Variants in UGT2B10 observed in about 807,000 individuals in gnomAD.
The protein encoded by UGT2B10 is UDP glucuronosyltransferase family 2 member B10.
A neutral mutation model predicts 43.7 loss-of-function variants in UGT2B10; 51 were observed. That is an observed-to-expected ratio of 1.17 (90% CI 0.93 to 1.47). The LOEUF (loss-of-function observed/expected upper bound fraction) is 1.47, where lower values mean the gene tolerates loss of function less well. Among genes scored for constraint, UGT2B10 ranks in the 40% most tolerant of loss-of-function variants. The pLI, the probability that UGT2B10 is intolerant of heterozygous loss-of-function variation, is 0.00. For missense variants in UGT2B10, 696 were observed against 617.7 expected, an observed-to-expected ratio of 1.13 and a Z score of -1.34; for synonymous variants, 225 against 209.0, an observed-to-expected ratio of 1.08 and a Z score of -0.66.
At chr4:68,825,280 T>A (rs1455975773) in intron 3 of UGT2B10, among the ~76,000 whole-genome samples, 15 of 151,414 alleles carry the variant, frequency 9.9e-5, no homozygotes, top group African/African-American at 3.6e-4. Flanking sequence ...AATGACTCCC[T>A]ATAATTTTTT....
In UGT2B10 at chr4:68,831,503, A is replaced by T. The variant is rs1445463890; in HGVS notation, c.*624A>T. On this transcript the variant is annotated 3_prime_UTR_variant, in exon 6 of 6. Transcript: ENST00000265403. ...AGGATGAATACAAAAATAATTAGAT[A>T]TTCTTGAAATCAGAAATGTGCTCCC... Among the ~76,000 whole-genome samples, 1 of 152,136 alleles carries T rather than the reference A, an allele frequency of 6.6e-6. No individual in the cohort carries two copies. Among genetic ancestry groups the T allele is most frequent in the African/African-American group, 2.4e-5 (1 of 41,458 alleles).
intron 2 of UGT2B10, among the ~76,000 whole-genome samples, chr4:68,818,419 T>C (rs1431980512): frequency 2.0e-5 from 3 of 151,770 alleles, no homozygotes; most frequent in Non-Finnish European, 4.4e-5. Context: ...TAAATTAAAG[T>C]CTTGATTATG....
Position 68,816,257 on chromosome 4 carries a change from T to G in UGT2B10, c.238T>G (p.Leu80Val). The part of the protein sequence containing the change: ...TLKLEVYPTS[L>V]TKTEFENIIM... ...TAAACTTGAAGTTTATCCTACATCT[T>G]TAACTAAAACTGAATTTGAGAATAT... is the stretch of plus-strand genomic sequence containing the variant. The change falls in exon 1 of 6, where the codon TTA becomes GTA. Residue 80 changes from leucine (L) to valine (V), a missense_variant. Coordinates refer to ENST00000265403, the MANE Select transcript of UGT2B10 (RefSeq NM_001075.6). 1 of 1,613,218 alleles carries G rather than the reference T, an allele frequency of 6.2e-7. No individual in the cohort carries two copies. Among genetic ancestry groups the G allele is most frequent in the Non-Finnish European group, 8.5e-7 (1 of 1,179,450 alleles).
intron 3 of UGT2B10, among the ~76,000 whole-genome samples, chr4:68,824,853 T>C (rs528945361): frequency 1.3e-5 from 2 of 152,276 alleles, no homozygotes; most frequent in South Asian, 4.1e-4. Context: ...ATTCAAAAGC[T>C]TTATTTTTAT....
intron 1 of UGT2B10, 65 bp downstream of exon 1, chr4:68,816,802 C>A: frequency 1.5e-6 from 2 of 1,294,270 alleles, no homozygotes; most frequent in Non-Finnish European, 2.1e-6. Flanking sequence ...GCACAACTTG[C>A]ATAAAGCCAT....
chr4:68,818,100 A>C lies in UGT2B10; in HGVS notation c.790A>C (p.Lys264Gln). The C allele has an allele frequency of 6.2e-7, 1 of 1,612,044 alleles. No homozygotes were observed. Among genetic ancestry groups the C allele is most frequent in the Non-Finnish European group, 8.5e-7 (1 of 1,178,636 alleles). Residue 264 changes from lysine (K) to glutamine (Q), a missense_variant, in exon 2 of 6, where the codon AAA becomes CAA. Lys to Gln is a moderately conservative substitution (Grantham distance 53). Transcript: ENST00000265403. ...IWLMRNSWNF[K>Q]FPHPFLPNVD... ...GCTTATGCGAAACTCCTGGAATTTT[A>C]AATTTCCTCATCCATTCTTACCAAA... is the stretch of plus-strand genomic sequence containing the variant.
chr4:68,823,496 C>G (rs984378744), intron 3 of UGT2B10, among the ~76,000 whole-genome samples: 61 of 152,108 alleles, frequency 4.0e-4, no homozygotes, highest in East Asian at 7.8e-4. Context: ...TACAGGGCCA[C>G]ACTCTGTCTC....
At chr4:68,823,692 A>T (rs1165988035) in intron 3 of UGT2B10, among the ~76,000 whole-genome samples, 1 of 152,148 alleles carries the variant, frequency 6.6e-6, no homozygotes, top group Non-Finnish European at 1.5e-5. Flanking sequence ...TTTTAAAATA[A>T]ACTTTATGAA....
chr4:68,829,590 C>T (rs1305115663), intron 5 of UGT2B10, among the ~76,000 whole-genome samples: 1 of 151,746 alleles, frequency 6.6e-6, no homozygotes, highest in African/African-American at 2.4e-5. Context: ...CCTAGAGGTT[C>T]CGTCAGATTG....
chr4:68,817,994 T>C lies in UGT2B10; in HGVS notation c.719-35T>C, dbSNP rs373096370. 2.8e-5 allele frequency: 44 copies of C among 1,590,062 alleles called. No homozygotes were observed. In the African/African-American group the frequency reaches 3.4e-4, roughly 12 times the overall value. On this transcript the variant is annotated intron_variant, in intron 1 of 5. Coordinates refer to ENST00000265403, the MANE Select transcript of UGT2B10 (RefSeq NM_001075.6). ...AAAATTACATAAAGTAATTATCTTA[T>C]GTCATCCACTTCTTCTTTTCTTTAT...
Position 68,816,196 on chromosome 4 carries a change from T to C in UGT2B10, c.177T>C (p.Ala59=). The C allele has an allele frequency of 1.9e-6, 3 of 1,613,302 alleles. No homozygotes were observed. The highest frequency in any genetic ancestry group is 2.5e-6 in the Non-Finnish European group (3 of 1,179,464). Residue 59 remains alanine (A), a synonymous_variant, in exon 1 of 6, where the codon GCT becomes GCC. Coordinates refer to ENST00000265403, the MANE Select transcript of UGT2B10 (RefSeq NM_001075.6). ...GHEVTVLASS[A]SILFDPNDSS... ...AGGTGACTGTACTGGCATCTTCAGC[T>C]TCCATTCTTTTTGATCCCAACGACT... is the stretch of plus-strand genomic sequence containing the variant.
chr4:68,822,166 C>T, intron 2 of UGT2B10, 105 bp from the exon 3 acceptor site: 1 of 1,505,502 alleles, frequency 6.6e-7, no homozygotes, highest in Admixed American at 2.2e-5. Context: ...AATAATTCCT[C>T]AAAATACTTG....
At chr4:68,817,593 A>T (rs919896187) in intron 1 of UGT2B10, among the ~76,000 whole-genome samples, 1 of 151,822 alleles carries the variant, frequency 6.6e-6, no homozygotes, top group Admixed American at 6.6e-5. Context: ...AGATAAAAGG[A>T]TTAGCTTAAT....
chr4:68,816,081 G>A lies in UGT2B10; in HGVS notation c.62G>A (p.Ser21Asn), dbSNP rs760152967. The A allele has an allele frequency of 2.5e-6, 4 of 1,613,164 alleles. No homozygotes were observed. In the East Asian group the frequency reaches 6.7e-5, roughly 27 times the overall value. Residue 21 changes from serine (S) to asparagine (N), a missense_variant, in exon 1 of 6, where the codon AGT becomes AAT. By Grantham distance (46) the Ser-to-Asn change is conservative. Coordinates refer to ENST00000265403, the MANE Select transcript of UGT2B10 (RefSeq NM_001075.6). Reference protein sequence around the residue: ...IQLSFYFSSGSCGKVLVWAAE... With the variant: ...IQLSFYFSSGNCGKVLVWAAE... ...CTCAGTTTTTACTTTAGCTCTGGGAGTTGTGGAAAGGTGCTGGTATGGGCC... is the reference window on the plus strand; with the variant it reads ...CTCAGTTTTTACTTTAGCTCTGGGAATTGTGGAAAGGTGCTGGTATGGGCC...
At position 68,816,724 on chromosome 4, in the gene UGT2B10, C is replaced by T. The variant is rs771325774; in HGVS notation, c.705C>T (p.Tyr235=). Residue 235 remains tyrosine, a synonymous_variant, in exon 1 of 6, where the codon TAC becomes TAT. Transcript: ENST00000265403. ...ATATGAAGAAGTGGGATCAGTTTTACAGTGAAGTTTTAGGTAAGATTTTTT... is the reference window on the plus strand; with the variant it reads ...ATATGAAGAAGTGGGATCAGTTTTATAGTGAAGTTTTAGGTAAGATTTTTT... ...IFNMKKWDQF[Y]SEVLGRPTTL... The T allele has an allele frequency of 1.3e-6, 2 of 1,598,628 alleles. No homozygotes were observed. The highest frequency in any genetic ancestry group is 2.2e-5 in the East Asian group (1 of 44,584).
intron 4 of UGT2B10, 146 bp downstream of exon 4, chr4:68,826,643 A>G: frequency 9.7e-7 from 1 of 1,034,200 alleles, no homozygotes; most frequent in Non-Finnish European, 1.4e-6. Context: ...CTAGGGGAAA[A>G]GAATATGTTA....
intron 2 of UGT2B10, 136 bp from the exon 3 acceptor site, chr4:68,822,135 T>G: frequency 3.0e-6 from 4 of 1,337,122 alleles, no homozygotes; most frequent in Non-Finnish European, 4.1e-6. Flanking sequence ...ATTGAGTCAG[T>G]TAAAAAATAT....
At chr4:68,819,758 C>T (rs574269762) in intron 2 of UGT2B10, among the ~76,000 whole-genome samples, 2 of 151,802 alleles carry the variant, frequency 1.3e-5, no homozygotes, top group Non-Finnish European at 2.9e-5. Context: ...CTGAATAGTG[C>T]CCTTAATTTC....
At position 68,830,638 on chromosome 4, in the gene UGT2B10, A is replaced by G. The variant is rs1357775254; in HGVS notation, c.1346A>G (p.His449Arg). The change falls in exon 6 of 6, where the codon CAT becomes CGT. Residue 449 changes from histidine to arginine, a missense_variant. Transcript: ENST00000265403. ...ATTATGAAATTATCAAGAATTCAAC[A>G]TGATCAACCAGTGAAGCCCCTGGAT... ...ENIMKLSRIQ[H>R]DQPVKPLDRA... 1.2e-6 allele frequency: 2 copies of G among 1,613,086 alleles called. No individual in the cohort carries two copies. Among genetic ancestry groups the G allele is most frequent in the Admixed American group, 1.7e-5 (1 of 59,900 alleles).
Sources: gnomAD v4.1 joint callset for allele counts (sites outside exome capture counted in the v4.1 genomes callset) on GRCh38, gnomAD v4.1.1 for gene constraint, MANE v1.5 for transcripts, NCBI Gene and HGNC (gene_info 2026-07-23, HGNC 2026-07-21) for gene names.